Variants in SUGCT observed in about 807,000 individuals in gnomAD.
The protein encoded by SUGCT is succinyl-CoA:glutarate-CoA transferase, also known as succinyl-CoA:glutarate CoA-transferase.
SUGCT carries 41 observed loss-of-function variants against 55.0 expected under a neutral mutation model. The ratio of observed to expected loss-of-function variants is 0.74; its 90% CI spans 0.58 to 0.97. The LOEUF (loss-of-function observed/expected upper bound fraction) is 0.97. Among genes scored for constraint, SUGCT ranks in the 50% least tolerant of loss-of-function variants. The pLI is 0.00. For synonymous variants in SUGCT, 187 were observed against 200.4 expected, an observed-to-expected ratio of 0.93 and a Z score of 0.56; for missense variants, 568 against 547.8, an observed-to-expected ratio of 1.04 and a Z score of -0.37.
intron 12 of SUGCT, among the ~76,000 whole-genome samples, chr7:40,745,368 T>A (rs912315784): frequency 3.3e-5 from 5 of 152,170 alleles, no homozygotes; most frequent in African/African-American, 1.2e-4. Flanking sequence ...ATTACAAATT[T>A]TTTTCTTCTG....
chr7:40,856,867 A>AGG (rs1794196115), intron 13 of SUGCT, among the ~76,000 whole-genome samples: 1 of 152,212 alleles, frequency 6.6e-6, no homozygotes, highest in Non-Finnish European at 1.5e-5. Context: ...AACCTCTTAA[A>AGG]ATCAAACAAA....
intron 9 of SUGCT, among the ~76,000 whole-genome samples, chr7:40,365,054 C>A (rs1783857708): frequency 6.6e-6 from 1 of 152,116 alleles, no homozygotes; most frequent in Non-Finnish European, 1.5e-5. Context: ...CATCACAAAG[C>A]TTATCCACCA....
chr7:40,621,765 C>T (rs1799275108), intron 12 of SUGCT, among the ~76,000 whole-genome samples: 1 of 152,190 alleles, frequency 6.6e-6, no homozygotes, highest in Non-Finnish European at 1.5e-5. Flanking sequence ...TATCTTTAAA[C>T]CAATGATTTC....
chr7:40,823,373 CA>C (rs1173780970), intron 13 of SUGCT, among the ~76,000 whole-genome samples: 1 of 152,074 alleles, frequency 6.6e-6, no homozygotes, highest in Non-Finnish European at 1.5e-5. Context: ...ATACATACAC[CA>C]GAAGCACTGA....
intron 11 of SUGCT, among the ~76,000 whole-genome samples, chr7:40,490,869 A>G (rs1791639918): frequency 6.6e-6 from 1 of 152,162 alleles, no homozygotes; most frequent in Non-Finnish European, 1.5e-5. Context: ...TGCAAGACAT[A>G]CAGAATTTAG....
At chr7:40,595,989 C>T (rs1797991462) in intron 12 of SUGCT, among the ~76,000 whole-genome samples, 1 of 152,212 alleles carries the variant, frequency 6.6e-6, no homozygotes, top group Non-Finnish European at 1.5e-5. Context: ...GAATCTTGGA[C>T]ATGTTGAAGA....
At chr7:40,760,416 T>C (rs1788473650) in intron 13 of SUGCT, among the ~76,000 whole-genome samples, 1 of 152,024 alleles carries the variant, frequency 6.6e-6, no homozygotes, top group African/African-American at 2.4e-5. Context: ...GAAAGTAGAA[T>C]AGTGATTGTC....
At chr7:40,513,921 C>A (rs561783377) in intron 12 of SUGCT, among the ~76,000 whole-genome samples, 3 of 151,118 alleles carry the variant, frequency 2.0e-5, no homozygotes, top group Non-Finnish European at 2.9e-5. Flanking sequence ...TCCTGAGTAG[C>A]TGGGACTACA....
At chr7:40,449,903 A>C (rs930105540) in intron 10 of SUGCT, among the ~76,000 whole-genome samples, 1 of 152,146 alleles carries the variant, frequency 6.6e-6, no homozygotes, top group Admixed American at 6.5e-5. Context: ...GTTCCTTCTC[A>C]ACAAGGCCTT....
chr7:40,195,156 TGGAAG>T, intron 6 of SUGCT, 96 bp downstream of exon 6: 6 of 1,059,204 alleles, frequency 5.7e-6, no homozygotes, highest in Non-Finnish European at 6.6e-6. Flanking sequence ...TTTTTTTTTT[TGGAAG>T]TTATTCTGTT....
chr7:40,284,874 T>G (rs1793215292), intron 8 of SUGCT, among the ~76,000 whole-genome samples: 1 of 152,178 alleles, frequency 6.6e-6, no homozygotes, highest in African/African-American at 2.4e-5. Context: ...TAAATGCAAA[T>G]TGACTTCAAT....
chr7:40,524,714 G>A (rs572338532), intron 12 of SUGCT, among the ~76,000 whole-genome samples: 1 of 152,132 alleles, frequency 6.6e-6, no homozygotes, highest in Admixed American at 6.5e-5. Context: ...AGTTCTATTT[G>A]TAGGATATTG....
chr7:40,446,337 C>G (rs896364181), intron 9 of SUGCT, among the ~76,000 whole-genome samples: 1 of 152,064 alleles, frequency 6.6e-6, no homozygotes, highest in Non-Finnish European at 1.5e-5. Context: ...ATTCGCCCCC[C>G]ATCTCACCCT....
chr7:40,690,971 G>C (rs183901304), intron 12 of SUGCT, among the ~76,000 whole-genome samples: 130 of 152,300 alleles, frequency 8.5e-4, no homozygotes, highest in Non-Finnish European at 1.4e-3. Context: ...TTCTTCTCCA[G>C]AGGAAAAGGC....
intron 12 of SUGCT, among the ~76,000 whole-genome samples, chr7:40,719,449 T>G (rs1159998974): frequency 6.6e-6 from 1 of 152,202 alleles, no homozygotes; most frequent in Non-Finnish European, 1.5e-5. Flanking sequence ...CACATTGGAT[T>G]CTTTGGCATT....
intron 7 of SUGCT, among the ~76,000 whole-genome samples, chr7:40,256,554 A>T (rs767549949): frequency 7.9e-5 from 12 of 152,172 alleles, no homozygotes; most frequent in Non-Finnish European, 1.3e-4. Context: ...GGAGTTACAT[A>T]GGGTGAGGAA....
At chr7:40,184,339 G>A (rs575835303) in intron 3 of SUGCT, among the ~76,000 whole-genome samples, 35 of 151,910 alleles carry the variant, frequency 2.3e-4, no homozygotes, top group African/African-American at 8.4e-4. Context: ...GAGTGCCATT[G>A]TGTGATCATG....
intron 8 of SUGCT, among the ~76,000 whole-genome samples, chr7:40,287,820 G>A (rs546392521): frequency 6.6e-6 from 1 of 152,162 alleles, no homozygotes; most frequent in Non-Finnish European, 1.5e-5. Context: ...TCTTTAACAG[G>A]TCGAGGAAGT....
At chr7:40,226,875 T>C (rs1788398320) in intron 6 of SUGCT, among the ~76,000 whole-genome samples, 1 of 151,718 alleles carries the variant, frequency 6.6e-6, no homozygotes, top group South Asian at 2.1e-4. Flanking sequence ...GCCATTGCAC[T>C]CCAGCCTGGG....
Sources: gnomAD v4.1 joint callset for allele counts (sites outside exome capture counted in the v4.1 genomes callset) on GRCh38, gnomAD v4.1.1 for gene constraint, MANE v1.5 for transcripts, NCBI Gene and HGNC (gene_info 2026-07-23, HGNC 2026-07-21) for gene names.